Variants in GALNT14 observed in about 807,000 individuals in gnomAD.
GALNT14 encodes UDP-GalNAc:polypeptide N-acetylgalactosaminyltransferase 14.
Under a neutral mutation model 77.5 loss-of-function variants are expected in GALNT14, and 60 were observed. That is an observed-to-expected ratio of 0.77 (90% CI 0.63 to 0.96). The LOEUF (loss-of-function observed/expected upper bound fraction) is 0.96. Ranked by LOEUF, GALNT14 falls within the 40% of genes least tolerant of loss-of-function variation. GALNT14 has a pLI of 0.00. For synonymous variants in GALNT14, 280 were observed against 281.7 expected, an observed-to-expected ratio of 0.99 and a Z score of 0.06; for missense variants, 710 against 731.0, an observed-to-expected ratio of 0.97 and a Z score of 0.33.
At chr2:30,977,656 G>A (rs1372013975) in intron 2 of GALNT14, among the ~76,000 whole-genome samples, 1 of 152,126 alleles carries the variant, frequency 6.6e-6, no homozygotes, top group African/African-American at 2.4e-5. Flanking sequence ...CTCCAGGAAT[G>A]TGCTAGACTC....
rs1430464805 is a variant in GALNT14 at position 30,924,794 on chromosome 2, T to C, written c.1181A>G (p.Asn394Ser). ...CCACTTGAAGCTCTGGCAGCGCAGATTCTTCCTCAGGTCCAATCTGCTCTC... is the reference window on the plus strand; with the variant it reads ...CCACTTGAAGCTCTGGCAGCGCAGACTCTTCCTCAGGTCCAATCTGCTCTC... ...NVESRLDLRK[N>S]LRCQSFKWYL... Residue 394 changes from asparagine (N) to serine (S), a missense_variant, in exon 12 of 15, where the codon AAT (asparagine) becomes AGT (serine). Coordinates refer to ENST00000349752, the MANE Select transcript of GALNT14 (RefSeq NM_024572.4). The C allele has an allele frequency of 1.6e-5, 26 of 1,613,942 alleles. No homozygotes were observed. The highest frequency in any genetic ancestry group is 2.2e-5 in the Non-Finnish European group (26 of 1,180,032).
chr2:31,010,122 A>G (rs1028154948), intron 1 of GALNT14, among the ~76,000 whole-genome samples: 1 of 152,198 alleles, frequency 6.6e-6, no homozygotes, highest in African/African-American at 2.4e-5. Context: ...AGTAGTTGGG[A>G]TTACAGGAGC....
At chr2:30,979,006 C>T (rs1190926080) in intron 2 of GALNT14, among the ~76,000 whole-genome samples, 2 of 152,250 alleles carry the variant, frequency 1.3e-5, no homozygotes, top group African/African-American at 2.4e-5. Flanking sequence ...ATAGAGAAAG[C>T]AGCAATGATG....
chr2:31,031,123 C>T (rs1434137951), intron 1 of GALNT14, among the ~76,000 whole-genome samples: 2 of 152,098 alleles, frequency 1.3e-5, no homozygotes, highest in African/African-American at 2.4e-5. Context: ...AGTGTCATAA[C>T]CTTTAAATGG....
In GALNT14 at chr2:30,911,533, G is replaced by A. The variant is rs144906053; in HGVS notation, c.1501-474C>T. On this transcript the variant is annotated intron_variant, in intron 14 of 14. Coordinates refer to ENST00000349752, the MANE Select transcript of GALNT14 (RefSeq NM_024572.4). Reference sequence around the variant, plus strand: ...GCAGCAGGTTCTCACACTTGACCTCGCATGACAAAGGAGGGACTGGACACA... The same window carrying A: ...GCAGCAGGTTCTCACACTTGACCTCACATGACAAAGGAGGGACTGGACACA... 1.2e-4 allele frequency among the ~76,000 whole-genome samples: 18 copies of A among 152,192 alleles called. No individual in the cohort carries two copies. The East Asian group carries it at 3.3e-3, about 28-fold the overall frequency.
chr2:31,128,780 C>T (rs753221056), intron 1 of GALNT14, among the ~76,000 whole-genome samples: 7 of 152,166 alleles, frequency 4.6e-5, no homozygotes, highest in African/African-American at 9.7e-5. Context: ...ACAGTCCCAG[C>T]TCTTTCCACT....
At chr2:30,940,868 G>A (rs1459831919) in intron 9 of GALNT14, among the ~76,000 whole-genome samples, 1 of 152,184 alleles carries the variant, frequency 6.6e-6, no homozygotes, top group Non-Finnish European at 1.5e-5. Context: ...GTGTTGGGGT[G>A]TTTTTCTGTT....
chr2:30,986,023 G>A (rs145061929), intron 2 of GALNT14, among the ~76,000 whole-genome samples: 20 of 152,276 alleles, frequency 1.3e-4, no homozygotes, highest in African/African-American at 4.8e-4. Context: ...ATAGAAGGAG[G>A]GAGAAATGCT....
At chr2:31,118,710 AG>A (rs1393085119) in intron 1 of GALNT14, among the ~76,000 whole-genome samples, 1 of 152,310 alleles carries the variant, frequency 6.6e-6, no homozygotes, top group East Asian at 1.9e-4. Flanking sequence ...CAACAAAATA[AG>A]ACAATAAAAT....
intron 13 of GALNT14, among the ~76,000 whole-genome samples, chr2:30,922,811 A>C (rs945176105): frequency 5.9e-5 from 9 of 152,204 alleles, no homozygotes; most frequent in African/African-American, 2.2e-4. Context: ...CTAGTCTTTC[A>C]TCTCTGCATC....
At chr2:30,893,285 AAG>A in the GALNT14 span, among the ~76,000 whole-genome samples, 1 of 152,228 alleles carries the variant, frequency 6.6e-6, no homozygotes, top group African/African-American at 2.4e-5. Flanking sequence ...AAAAGAAAAA[AAG>A]GAAATGATGA....
At position 30,910,731 on chromosome 2, in the gene GALNT14, G is replaced by A; in HGVS notation, c.*170C>T. 1.6e-6 allele frequency: 1 copy of A among 637,704 alleles called. No individual in the cohort carries two copies. The highest frequency in any genetic ancestry group is 2.6e-6 in the Non-Finnish European group (1 of 381,662). The allele number at this position is 637,704 out of a possible 1,614,324, so 39.5% of individuals were successfully genotyped here. On this transcript the variant is annotated 3_prime_UTR_variant, in exon 15 of 15. Coordinates refer to ENST00000349752, the MANE Select transcript of GALNT14 (RefSeq NM_024572.4). ...TCTTTGAGCCCCATTGGCTTGTGAT[G>A]TTTTCCTCTGTCCTCCCTGAGACAG...
chr2:30,937,876 A>G (rs1186632275), intron 9 of GALNT14, among the ~76,000 whole-genome samples: 1 of 152,156 alleles, frequency 6.6e-6, no homozygotes, highest in East Asian at 1.9e-4. Flanking sequence ...CACTTTAAAG[A>G]CTTAGGAACA....
chr2:30,924,706 A>C, intron 12 of GALNT14, 34 bp downstream of exon 12: 1 of 1,590,704 alleles, frequency 6.3e-7, no homozygotes, highest in Non-Finnish European at 8.6e-7. Context: ...CTCTGCTTTC[A>C]GCCAGCCAAA....
intron 6 of GALNT14, among the ~76,000 whole-genome samples, chr2:30,947,611 C>T (rs1666779177): frequency 6.6e-6 from 1 of 152,148 alleles, no homozygotes; most frequent in Admixed American, 6.5e-5. Context: ...TCAGGCAGCC[C>T]ATCAAAACCA....
In GALNT14 at chr2:31,078,995, C is replaced by T. The variant is rs1054216661; in HGVS notation, c.129+58963G>A. On this transcript the variant is annotated intron_variant, in intron 1 of 14. Transcript: ENST00000349752. Reference sequence around the variant, plus strand: ...CCTGGGAGGGAGAGCAGGGGAGCTACAGTGGGCTGCTGAAATTGCATTCAG... The same window carrying T: ...CCTGGGAGGGAGAGCAGGGGAGCTATAGTGGGCTGCTGAAATTGCATTCAG... 7.8e-6 allele frequency: 10 copies of T among 1,288,762 alleles called. No individual in the cohort carries two copies. The African/African-American group carries it at 1.4e-4, about 18-fold the overall frequency. 79.8% of individuals were successfully genotyped at this position (1,288,762 alleles called of 1,614,324 possible).
intron 1 of GALNT14, 148 bp from the exon 2 acceptor site, chr2:30,993,155 C>G: frequency 1.3e-6 from 1 of 741,968 alleles, no homozygotes; most frequent in Non-Finnish European, 2.2e-6. Context: ...ATAAACTAAA[C>G]CATCAGCAAC....
chr2:30,985,662 A>T (rs1344149150), intron 2 of GALNT14, among the ~76,000 whole-genome samples: 1 of 151,990 alleles, frequency 6.6e-6, no homozygotes, highest in Non-Finnish European at 1.5e-5. Context: ...TCTGGAGTGA[A>T]CTCAGAGATC....
the GALNT14 span, among the ~76,000 whole-genome samples, chr2:30,887,894 G>C: frequency 6.6e-6 from 1 of 152,168 alleles, no homozygotes; most frequent in Admixed American, 6.5e-5. Context: ...ATAGTGTGAG[G>C]TAGGGTTTTC....
Sources: allele counts gnomAD v4.1 joint callset (sites outside exome capture counted in the v4.1 genomes callset), GRCh38; gene constraint gnomAD v4.1.1; transcripts MANE v1.5; gene names NCBI Gene and HGNC (gene_info 2026-07-23, HGNC 2026-07-21).